The following CRTAC1 variants were observed in gnomAD, a reference collection of about 807,000 sequenced individuals.
CRTAC1 encodes the protein cartilage acidic protein 1.
Under a neutral mutation model 67.8 loss-of-function variants are expected in CRTAC1, and 37 were observed. The ratio of observed to expected loss-of-function variants is 0.55; its 90% CI spans 0.42 to 0.72. The LOEUF is 0.72. CRTAC1 is among the 30% of genes least tolerant of loss of function. The pLI, the probability that CRTAC1 is intolerant of heterozygous loss-of-function variation, is 0.00. For missense variants in CRTAC1, 780 were observed against 931.6 expected (o/e 0.84, Z 2.12); for synonymous variants, 348 against 371.0 (o/e 0.94, Z 0.71).
intron 2 of CRTAC1, among the ~76,000 whole-genome samples, chr10:97,994,601 C>T (rs1012690076): frequency 3.3e-5 from 5 of 152,274 alleles, no homozygotes; most frequent in South Asian, 4.1e-4. Context: ...TGGATGTCAT[C>T]GGCATTCTCT....
chr10:97,933,621 G>A (rs115262091), intron 3 of CRTAC1, among the ~76,000 whole-genome samples: 2,934 of 152,348 alleles, frequency 0.019, 88 homozygotes, highest in African/African-American at 0.065. Context: ...TCAGATACCC[G>A]GAGAAACACA....
intron 8 of CRTAC1, 28 bp downstream of exon 8, chr10:97,901,475 G>A (rs757037513): frequency 1.9e-6 from 3 of 1,613,968 alleles, no homozygotes; most frequent in East Asian, 2.2e-5. Context: ...CAAGGATGAA[G>A]AGCCACGAGC....
chr10:97,889,128 G>C lies in CRTAC1; in HGVS notation c.1487-4777C>G, dbSNP rs368890304. Among the ~76,000 whole-genome samples, 35 of 132,822 alleles carry C rather than the reference G, an allele frequency of 2.6e-4. No homozygotes were observed. In the East Asian group the frequency reaches 6.7e-3, roughly 25 times the overall value. 87.1% of individuals were successfully genotyped at this position (132,822 alleles called of 152,430 possible). A position where few individuals can be genotyped will look rare whatever the true frequency, so the allele number is the denominator to read the frequency against. On this transcript the variant is annotated intron_variant, in intron 11 of 14. Coordinates refer to ENST00000370597, the MANE Select transcript of CRTAC1 (RefSeq NM_018058.7). Reference sequence around the variant, plus strand: ...TACCAGGGGCAGTGGAGGCGGGAGGGAAGGGGGGGAGGGGGAAGGGGGGAG... The same window carrying C: ...TACCAGGGGCAGTGGAGGCGGGAGGCAAGGGGGGGAGGGGGAAGGGGGGAG...
At chr10:97,869,459 C>T (rs898350977) in intron 14 of CRTAC1, 1 of 152,748 alleles carries the variant, frequency 6.5e-6, no homozygotes, top group East Asian at 1.9e-4. Flanking sequence ...CTCAGCCAGA[C>T]TGTCCCCGAG....
At position 97,977,487 on chromosome 10, in the gene CRTAC1, G is replaced by A. The variant is rs149316125; in HGVS notation, c.224+33651C>T. Among the ~76,000 whole-genome samples the A allele has an allele frequency of 5.4e-4, 82 of 151,792 alleles. 1 individual carries two copies. Among genetic ancestry groups the A allele is most frequent in the African/African-American group, 2.0e-3 (81 of 41,092 alleles). On this transcript the variant is annotated intron_variant, in intron 2 of 14. Transcript: ENST00000370597. ...GTCTTGTCAGTTTTTCCCCTCTCTG[G>A]TAACAGTGGCTACTGCAATGATGTT...
chr10:97,908,227 T>C lies in CRTAC1; in HGVS notation c.716-80A>G, dbSNP rs997198382. On this transcript the variant is annotated intron_variant, in intron 5 of 14. Transcript: ENST00000370597. ...GGAGGACAGGGCTGCCTCTGAGGCCTGAGGGGAACTGCAGCAGAGGCTCCT... is the reference window on the plus strand; with the variant it reads ...GGAGGACAGGGCTGCCTCTGAGGCCCGAGGGGAACTGCAGCAGAGGCTCCT... The C allele has an allele frequency of 1.0e-5, 15 of 1,479,494 alleles. No individual in the cohort carries two copies. In the East Asian group the frequency reaches 2.7e-4, roughly 27 times the overall value. The allele number at this position is 1,479,494 out of a possible 1,614,324, so 91.6% of individuals were successfully genotyped here.
intron 2 of CRTAC1, among the ~76,000 whole-genome samples, chr10:97,955,176 G>T (rs1314829918): frequency 6.6e-6 from 1 of 152,128 alleles, no homozygotes; most frequent in Non-Finnish European, 1.5e-5. Context: ...CAAAAGCTCT[G>T]AAGTCCACCC....
intron 2 of CRTAC1, among the ~76,000 whole-genome samples, chr10:97,993,676 C>T (rs773968334): frequency 5.9e-5 from 9 of 152,166 alleles, no homozygotes; most frequent in African/African-American, 9.7e-5. Context: ...TTTCATTAAT[C>T]CTCTTATCTA....
intron 2 of CRTAC1, among the ~76,000 whole-genome samples, chr10:97,985,339 C>T (rs1288502240): frequency 6.6e-6 from 1 of 152,200 alleles, no homozygotes; most frequent in Admixed American, 6.5e-5. Flanking sequence ...TTAGCCATCA[C>T]CAGTTCCATG....
chr10:97,995,449 C>T (rs542211484), intron 2 of CRTAC1, among the ~76,000 whole-genome samples: 10 of 152,320 alleles, frequency 6.6e-5, no homozygotes, highest in South Asian at 2.1e-4. Context: ...TTTAGTTTCA[C>T]GTACCCTCCA....
At chr10:97,977,347 G>A (rs568383115) in intron 2 of CRTAC1, among the ~76,000 whole-genome samples, 231 of 152,324 alleles carry the variant, frequency 1.5e-3, no homozygotes, top group Middle Eastern at 6.8e-3. Flanking sequence ...TGTCTGGCAC[G>A]TGAGCAAGAA....
chr10:97,982,555 A>G (rs1410198210), intron 2 of CRTAC1, among the ~76,000 whole-genome samples: 1 of 152,202 alleles, frequency 6.6e-6, no homozygotes, highest in African/African-American at 2.4e-5. Flanking sequence ...TCATTACCAA[A>G]ACACATCAGA....
At chr10:97,938,172 T>C (rs891072267) in intron 2 of CRTAC1, among the ~76,000 whole-genome samples, 4 of 152,066 alleles carry the variant, frequency 2.6e-5, no homozygotes, top group South Asian at 2.1e-4. Flanking sequence ...ATGAAGAGTG[T>C]CTGAGGGCTG....
chr10:97,908,024 G>A lies in CRTAC1; in HGVS notation c.839C>T (p.Ala280Val), dbSNP rs867269141. The A allele has an allele frequency of 2.5e-6, 4 of 1,614,142 alleles. No individual in the cohort carries two copies. Among genetic ancestry groups the A allele is most frequent in the East Asian group, 2.2e-5 (1 of 44,884 alleles). The change falls in exon 6 of 15, where the codon GCG (alanine) becomes GTG (valine). Residue 280 changes from alanine (A) to valine (V), a missense_variant. Coordinates refer to ENST00000370597, the MANE Select transcript of CRTAC1 (RefSeq NM_018058.7). Reference protein sequence around the residue: ...NRGDGTFVDAAASAGVDDPHQ... With the variant: ...NRGDGTFVDAVASAGVDDPHQ... Reference sequence around the variant, plus strand: ...CTGCCTCCACTCACCAGCACTGGCCGCAGCGTCCACAAAGGTGCCATCGCC... The same window carrying A: ...CTGCCTCCACTCACCAGCACTGGCCACAGCGTCCACAAAGGTGCCATCGCC...
intron 3 of CRTAC1, among the ~76,000 whole-genome samples, chr10:97,932,746 C>T (rs1361073182): frequency 1.3e-5 from 2 of 152,114 alleles, no homozygotes; most frequent in Admixed American, 1.3e-4. Flanking sequence ...AGGAGGGGTG[C>T]TGTAAGCGAT....
intron 2 of CRTAC1, among the ~76,000 whole-genome samples, chr10:98,002,066 G>A (rs1391220034): frequency 6.6e-6 from 1 of 152,198 alleles, no homozygotes; most frequent in Non-Finnish European, 1.5e-5. Flanking sequence ...CCCTAGGCCT[G>A]GGCCTCTGCA....
At chr10:97,927,587 C>T (rs59481522) in intron 3 of CRTAC1, among the ~76,000 whole-genome samples, 1 of 152,176 alleles carries the variant, frequency 6.6e-6, no homozygotes, top group East Asian at 1.9e-4. Flanking sequence ...GGCCTCTCCC[C>T]CTCTTCAGCC....
At chr10:98,010,623 C>T (rs1205394761) in intron 2 of CRTAC1, among the ~76,000 whole-genome samples, 1 of 152,158 alleles carries the variant, frequency 6.6e-6, no homozygotes, top group African/African-American at 2.4e-5. Context: ...AAGGCATGCT[C>T]AGCGGAGGTT....
chr10:97,970,925 G>A (rs1338056019), intron 2 of CRTAC1, among the ~76,000 whole-genome samples: 1 of 152,192 alleles, frequency 6.6e-6, no homozygotes, highest in Admixed American at 6.5e-5. Flanking sequence ...AAAATGATCA[G>A]AGTACATAAA....
Sources: allele counts gnomAD v4.1 joint callset (sites outside exome capture counted in the v4.1 genomes callset), GRCh38; gene constraint gnomAD v4.1.1; transcripts MANE v1.5; gene names NCBI Gene and HGNC (gene_info 2026-07-23, HGNC 2026-07-21).